Variants in TNFRSF9 observed in about 807,000 individuals in gnomAD.
TNFRSF9 encodes the protein TNF receptor superfamily member 9.
TNFRSF9 carries 16 observed loss-of-function variants against 28.8 expected under a neutral mutation model. The observed-to-expected ratio is 0.55, with a 90% CI of 0.38 to 0.84. TNFRSF9 has a LOEUF of 0.84. Ranked by LOEUF, TNFRSF9 falls within the 40% of genes least tolerant of loss-of-function variation. The probability of loss-of-function intolerance (pLI) is 0.00; values close to 1 mark genes in which losing one functional copy is unlikely to be tolerated. For synonymous variants in TNFRSF9, 131 were observed against 117.0 expected (o/e 1.12, Z -0.77); for missense variants, 303 against 315.0 (o/e 0.96, Z 0.29).
intron 7 of TNFRSF9, among the ~76,000 whole-genome samples, chr1:7,931,205 A>G (rs1208472987): frequency 6.6e-6 from 1 of 152,248 alleles, no homozygotes; most frequent in Non-Finnish European, 1.5e-5. Flanking sequence ...TTAGGAAAAC[A>G]GTTTGGCATA....
At chr1:7,933,822 G>A (rs1337437819) in intron 6 of TNFRSF9, among the ~76,000 whole-genome samples, 1 of 152,146 alleles carries the variant, frequency 6.6e-6, no homozygotes, top group Admixed American at 6.6e-5. Context: ...TTTGAAACCA[G>A]CCTGGCCAAC....
In TNFRSF9 at chr1:7,918,311, A is replaced by G. The variant is rs1235737399; in HGVS notation, c.*2524T>C. The G allele has an allele frequency of 6.6e-6, 1 of 152,140 alleles. No individual in the cohort carries two copies. The highest frequency in any genetic ancestry group is 6.6e-5 in the Admixed American group (1 of 15,264). 9.4% of individuals were successfully genotyped at this position (152,140 alleles called of 1,614,324 possible). A position where few individuals can be genotyped will look rare whatever the true frequency, so the allele number is the denominator to read the frequency against. Reference sequence around the variant, plus strand: ...ACAAAGAAGATATTTTTTAACACATATAACTGACCAAAGATTATTATCTAG... The same window carrying G: ...ACAAAGAAGATATTTTTTAACACATGTAACTGACCAAAGATTATTATCTAG... On this transcript the variant is annotated 3_prime_UTR_variant, in exon 8 of 8. Transcript: ENST00000377507.
chr1:7,920,705 G>C lies in TNFRSF9; in HGVS notation c.*130C>G, dbSNP rs1639543923. 2.8e-6 allele frequency: 2 copies of C among 717,290 alleles called. No individual in the cohort carries two copies. The highest frequency in any genetic ancestry group is 4.8e-6 in the Non-Finnish European group (2 of 420,504). 44.4% of individuals were successfully genotyped at this position (717,290 alleles called of 1,614,324 possible). A position where few individuals can be genotyped will look rare whatever the true frequency, so the allele number is the denominator to read the frequency against. ...GGCCAACTCATTGGCATTTAGAAAA[G>C]AACGTGTGTTGGGGGAATCCTGGGT... On this transcript the variant is annotated 3_prime_UTR_variant, in exon 8 of 8. Coordinates refer to ENST00000377507, the MANE Select transcript of TNFRSF9 (RefSeq NM_001561.6).
In TNFRSF9 at chr1:7,915,872, C is replaced by T. The variant is rs567201395; in HGVS notation, c.*4963G>A. The stretch of plus-strand genomic sequence containing the variant: ...TATAAAAAGCTTTTTAAAATAAGGT[C>T]TTTTTTTCTTATTCTTTTTTTCCTG... On this transcript the variant is annotated 3_prime_UTR_variant, in exon 8 of 8. Coordinates refer to ENST00000377507, the MANE Select transcript of TNFRSF9 (RefSeq NM_001561.6). The T allele has an allele frequency of 6.6e-6, 1 of 152,020 alleles. No homozygotes were observed. The highest frequency in any genetic ancestry group is 1.5e-5 in the Non-Finnish European group (1 of 67,970). The allele number at this position is 152,020 out of a possible 1,614,324, so 9.4% of individuals were successfully genotyped here. A position where few individuals can be genotyped will look rare whatever the true frequency, so the allele number is the denominator to read the frequency against.
intron 4 of TNFRSF9, 65 bp downstream of exon 4, chr1:7,938,128 T>C: frequency 7.0e-7 from 1 of 1,424,912 alleles, no homozygotes. Context: ...TTTCAAAGGA[T>C]CAAGATCAAA....
At chr1:7,937,633 T>G (rs1225899020) in intron 5 of TNFRSF9, 57 bp downstream of exon 5, 1 of 1,459,662 alleles carries the variant, frequency 6.9e-7, no homozygotes, top group East Asian at 2.3e-5. Context: ...ATTCCTTATC[T>G]TCCAAAAAAT....
chr1:7,926,911 C>T (rs1020478624), intron 7 of TNFRSF9, among the ~76,000 whole-genome samples: 36 of 152,140 alleles, frequency 2.4e-4, no homozygotes, highest in African/African-American at 8.2e-4. Flanking sequence ...AAACCTCTCA[C>T]ACCTTATACG....
At chr1:7,937,355 C>T (rs987689432) in intron 5 of TNFRSF9, among the ~76,000 whole-genome samples, 7 of 152,098 alleles carry the variant, frequency 4.6e-5, no homozygotes, top group African/African-American at 9.7e-5. Flanking sequence ...TTTGTAGAGA[C>T]AGGGTCTCAC....
rs868797244 is a variant in TNFRSF9, at chr1:7,937,865, A to T, written c.347-109T>A. The T allele has an allele frequency of 9.6e-5, 91 of 945,374 alleles. No homozygotes were observed. In the Middle Eastern group the frequency reaches 1.3e-3, roughly 14 times the overall value. The allele number at this position is 945,374 out of a possible 1,614,324, so 58.6% of individuals were successfully genotyped here. ...CATTACCATAATGCAATCTGCACAA[A>T]TTGTTCAATAATTCTTGAAACAACA... On this transcript the variant is annotated intron_variant, in intron 4 of 7. Transcript: ENST00000377507.
chr1:7,938,108 G>A, intron 4 of TNFRSF9, 85 bp downstream of exon 4: 1 of 1,296,848 alleles, frequency 7.7e-7, no homozygotes, highest in East Asian at 2.6e-5. Context: ...CTACAAATCT[G>A]TTTGTTTATT....
At chr1:7,926,935 G>T (rs975644419) in intron 7 of TNFRSF9, among the ~76,000 whole-genome samples, 1 of 152,016 alleles carries the variant, frequency 6.6e-6, no homozygotes, top group African/African-American at 2.4e-5. Context: ...AATTTAAAAC[G>T]AATCAAGCAT....
Position 7,920,268 on chromosome 1 carries a change from A to AT in TNFRSF9, c.*566_*567insA, listed in dbSNP as rs1235416695. 2 of 151,752 alleles carry AT rather than the reference A, an allele frequency of 1.3e-5. No individual in the cohort carries two copies. Among genetic ancestry groups the AT allele is most frequent in the Non-Finnish European group, 2.9e-5 (2 of 68,030 alleles). The allele number at this position is 151,752 out of a possible 1,614,324, so 9.4% of individuals were successfully genotyped here. ...ATAATTTTCTTTGGATTTCAAAAAA[A>AT]CTAGCTCAAACCTGTTAAGTGGTAT... On this transcript the variant is annotated 3_prime_UTR_variant, in exon 8 of 8. Coordinates refer to ENST00000377507, the MANE Select transcript of TNFRSF9 (RefSeq NM_001561.6).
chr1:7,928,564 T>C (rs939680152), intron 7 of TNFRSF9, among the ~76,000 whole-genome samples: 2 of 152,238 alleles, frequency 1.3e-5, no homozygotes, highest in Non-Finnish European at 2.9e-5. Flanking sequence ...TTGTGAAAGT[T>C]GTCAGAATCA....
chr1:7,924,017 C>A (rs1434983868), intron 7 of TNFRSF9, among the ~76,000 whole-genome samples: 6 of 152,020 alleles, frequency 3.9e-5, no homozygotes, highest in African/African-American at 1.4e-4. Context: ...TGGTCAAAAA[C>A]AGACTGCATA....
intron 3 of TNFRSF9, among the ~76,000 whole-genome samples, 195 bp from the exon 4 acceptor site, chr1:7,938,525 G>A (rs1386422664): frequency 6.6e-6 from 1 of 152,172 alleles, no homozygotes; most frequent in Non-Finnish European, 1.5e-5. Flanking sequence ...TCAAATGAAT[G>A]TTTCCTCTAA....
intron 7 of TNFRSF9, among the ~76,000 whole-genome samples, chr1:7,926,623 A>G (rs1007366175): frequency 6.6e-6 from 1 of 152,212 alleles, no homozygotes; most frequent in Admixed American, 6.6e-5. Context: ...AGATAAAACA[A>G]TTTTGAAATG....
In TNFRSF9 at chr1:7,940,052, A is replaced by T; in HGVS notation, c.-58T>A. On this transcript the variant is annotated 5_prime_UTR_variant, in exon 2 of 8. Transcript: ENST00000377507. ...AGCTGATTCCAAGAGAATTTTAATCAAATTAGCTGGTCTCACAAATGTCAC... is the reference window on the plus strand; with the variant it reads ...AGCTGATTCCAAGAGAATTTTAATCTAATTAGCTGGTCTCACAAATGTCAC... 1 of 1,267,908 alleles carries T rather than the reference A, an allele frequency of 7.9e-7. No homozygotes were observed. 78.5% of individuals were successfully genotyped at this position (1,267,908 alleles called of 1,614,324 possible).
intron 7 of TNFRSF9, among the ~76,000 whole-genome samples, chr1:7,930,362 T>C (rs1008199650): frequency 7.9e-5 from 12 of 152,114 alleles, no homozygotes; most frequent in Non-Finnish European, 1.8e-4. Flanking sequence ...TCCTAAAAAC[T>C]TTTAAAAAAT....
In TNFRSF9 at chr1:7,920,681, G is replaced by C. The variant is rs561452908; in HGVS notation, c.*154C>G. ...AAAAAAAAGTGGTGCATTTTTAAAG[G>C]CCAACTCATTGGCATTTAGAAAAGA... On this transcript the variant is annotated 3_prime_UTR_variant, in exon 8 of 8. Transcript: ENST00000377507. 1.6e-6 allele frequency: 1 copy of C among 635,752 alleles called. No homozygotes were observed. Among genetic ancestry groups the C allele is most frequent in the Non-Finnish European group, 2.8e-6 (1 of 362,732 alleles). 39.4% of individuals were successfully genotyped at this position (635,752 alleles called of 1,614,324 possible). A position where few individuals can be genotyped will look rare whatever the true frequency, so the allele number is the denominator to read the frequency against.
Sources: allele counts gnomAD v4.1 joint callset (sites outside exome capture counted in the v4.1 genomes callset), GRCh38; gene constraint gnomAD v4.1.1; transcripts MANE v1.5; gene names NCBI Gene and HGNC (gene_info 2026-07-23, HGNC 2026-07-21).